The following GABBR2 variants were observed in gnomAD, a reference collection of about 807,000 sequenced individuals.
The protein encoded by GABBR2 is gamma-aminobutyric acid type B receptor subunit 2.
In GABBR2, 23 loss-of-function variants were observed where a neutral mutation model predicts 105.6. The ratio of observed to expected loss-of-function variants is 0.22; its 90% CI spans 0.16 to 0.31. GABBR2 has a LOEUF of 0.31. GABBR2 is among the 10% of genes least tolerant of loss of function. The pLI is 1.00. For missense variants in GABBR2, 734 were observed against 1,245.5 expected (o/e 0.59, Z 6.18); for synonymous variants, 478 against 499.7 (o/e 0.96, Z 0.58).
At chr9:98,652,632 C>A (rs914003513) in intron 1 of GABBR2, among the ~76,000 whole-genome samples, 10 of 152,354 alleles carry the variant, frequency 6.6e-5, no homozygotes, top group African/African-American at 2.2e-4. Flanking sequence ...GAGGCTAGAG[C>A]CCATTTCTGA....
At position 98,592,537 on chromosome 9, in the gene GABBR2, A is replaced by C. The variant is rs1396770505; in HGVS notation, c.322-14465T>G. On this transcript the variant is annotated intron_variant, in intron 1 of 18. Coordinates refer to ENST00000259455, the MANE Select transcript of GABBR2 (RefSeq NM_005458.8). ...GCTTAACTGACAAGTTCAAGATTACATGACTGGTAAGCCATGAAGCCTGCA... is the reference window on the plus strand; with the variant it reads ...GCTTAACTGACAAGTTCAAGATTACCTGACTGGTAAGCCATGAAGCCTGCA... Among the ~76,000 whole-genome samples, 6 of 152,328 alleles carry C rather than the reference A, an allele frequency of 3.9e-5. 1 individual carries two copies. The highest frequency in any genetic ancestry group is 7.4e-5 in the Non-Finnish European group (5 of 68,022).
At chr9:98,480,744 T>C (rs968821886) in intron 5 of GABBR2, among the ~76,000 whole-genome samples, 188 bp downstream of exon 5, 17 of 152,152 alleles carry the variant, frequency 1.1e-4, no homozygotes, top group African/African-American at 4.1e-4. Context: ...GATGATGGTA[T>C]TGTTCTGAGC....
intron 5 of GABBR2, among the ~76,000 whole-genome samples, chr9:98,480,070 C>T (rs1190820342): frequency 6.6e-6 from 1 of 152,192 alleles, no homozygotes; most frequent in East Asian, 1.9e-4. Context: ...ATCCACATTA[C>T]TGACAAAAAG....
intron 13 of GABBR2, among the ~76,000 whole-genome samples, chr9:98,333,929 G>T (rs1831071068): frequency 6.6e-6 from 1 of 152,218 alleles, no homozygotes; most frequent in Non-Finnish European, 1.5e-5. Context: ...GTAGACTGGG[G>T]ATAATAATGG....
chr9:98,327,898 C>G (rs532824165), intron 13 of GABBR2, among the ~76,000 whole-genome samples: 1 of 151,052 alleles, frequency 6.6e-6, no homozygotes, highest in Non-Finnish European at 1.5e-5. Flanking sequence ...AATAAAACTG[C>G]AGAACTTTCC....
rs151062215 is a variant in GABBR2 at position 98,357,680 on chromosome 9, A to G, written c.1893+5035T>C. 6.5e-3 allele frequency among the ~76,000 whole-genome samples: 389 copies of G among 60,000 alleles called. 2 individuals carry two copies. Among genetic ancestry groups the G allele is most frequent in the African/African-American group, 0.02 (369 of 18,846 alleles). 39.4% of individuals were successfully genotyped at this position (60,000 alleles called of 152,430 possible). A position where few individuals can be genotyped will look rare whatever the true frequency, so the allele number is the denominator to read the frequency against. ...ACAGACAAACAAACAAAAAACAACA[A>G]CAAAAAAAAAAACCCCACATCATAG... On this transcript the variant is annotated intron_variant, in intron 13 of 18. Coordinates refer to ENST00000259455, the MANE Select transcript of GABBR2 (RefSeq NM_005458.8).
At chr9:98,648,665 G>A (rs1254424363) in intron 1 of GABBR2, among the ~76,000 whole-genome samples, 1 of 152,146 alleles carries the variant, frequency 6.6e-6, no homozygotes, top group Admixed American at 6.5e-5. Context: ...ACCAAACCTA[G>A]CTTAGTTAGC....
At chr9:98,628,465 C>T (rs1829775461) in intron 1 of GABBR2, among the ~76,000 whole-genome samples, 2 of 152,110 alleles carry the variant, frequency 1.3e-5, no homozygotes, top group Non-Finnish European at 2.9e-5. Context: ...TTTGTCAGCT[C>T]CGGGGCACCA....
intron 7 of GABBR2, among the ~76,000 whole-genome samples, chr9:98,406,395 A>G (rs1170220819): frequency 6.6e-6 from 1 of 152,278 alleles, no homozygotes; most frequent in Non-Finnish European, 1.5e-5. Context: ...CAAGATAAGC[A>G]TCATCATGAT....
At position 98,356,624 on chromosome 9, in the gene GABBR2, TCC is replaced by T. The variant is rs1172092151; in HGVS notation, c.1893+6089_1893+6090del. ...TGGTAGTTTCTTACAAAACTAAACA[TCC>T]TCTTACCATATAATCATAACTTGCA... On this transcript the variant is annotated intron_variant, in intron 13 of 18. Coordinates refer to ENST00000259455, the MANE Select transcript of GABBR2 (RefSeq NM_005458.8). Among the ~76,000 whole-genome samples the T allele has an allele frequency of 3.3e-5, 5 of 152,216 alleles. No homozygotes were observed. The East Asian group carries it at 9.6e-4, about 29-fold the overall frequency.
chr9:98,528,042 A>G (rs1480421840), intron 3 of GABBR2, among the ~76,000 whole-genome samples: 1 of 152,166 alleles, frequency 6.6e-6, no homozygotes, highest in African/African-American at 2.4e-5. Flanking sequence ...CATTTTGGAT[A>G]TGTTGTATTA....
intron 1 of GABBR2, among the ~76,000 whole-genome samples, chr9:98,606,481 T>TC (rs1282193290): frequency 1.0e-5 from 1 of 98,548 alleles, no homozygotes; most frequent in Admixed American, 1.4e-4. Flanking sequence ...TCTTTTTTTT[T>TC]TCTTTTTTTT....
At position 98,377,296 on chromosome 9, in the gene GABBR2, A is replaced by G. The variant is rs571729962; in HGVS notation, c.1663-5725T>C. On this transcript the variant is annotated intron_variant, in intron 11 of 18. Coordinates refer to ENST00000259455, the MANE Select transcript of GABBR2 (RefSeq NM_005458.8). Reference sequence around the variant, plus strand: ...ACAGCTCTGTGGACAGAAGACGTGGACAAGTGGGCGTCAGGGCCAGAGAGG... The same window carrying G: ...ACAGCTCTGTGGACAGAAGACGTGGGCAAGTGGGCGTCAGGGCCAGAGAGG... Among the ~76,000 whole-genome samples the G allele has an allele frequency of 3.3e-5, 5 of 152,226 alleles. No individual in the cohort carries two copies. The South Asian group carries it at 1.0e-3, about 32-fold the overall frequency.
chr9:98,431,463 A>G (rs1825807567), intron 7 of GABBR2, among the ~76,000 whole-genome samples: 1 of 152,142 alleles, frequency 6.6e-6, no homozygotes, highest in Non-Finnish European at 1.5e-5. Context: ...TTCGTTGAAT[A>G]AATAAATGAT....
intron 1 of GABBR2, among the ~76,000 whole-genome samples, chr9:98,661,494 A>G (rs1830263067): frequency 6.6e-6 from 1 of 151,094 alleles, no homozygotes; most frequent in Non-Finnish European, 1.5e-5. Flanking sequence ...TCCACTTCCC[A>G]GTTTCAAGTG....
intron 6 of GABBR2, among the ~76,000 whole-genome samples, chr9:98,458,287 T>C (rs1826361223): frequency 6.6e-6 from 1 of 152,238 alleles, no homozygotes; most frequent in African/African-American, 2.4e-5. Context: ...TGGCAGACTT[T>C]CTCGCTGGCA....
At chr9:98,591,839 C>CA (rs1380443597) in intron 1 of GABBR2, among the ~76,000 whole-genome samples, 2 of 129,316 alleles carry the variant, frequency 1.5e-5, no homozygotes, top group African/African-American at 6.4e-5. Context: ...GCCACTGCCT[C>CA]ACTCTGTGAC....
chr9:98,375,170 A>G (rs661105), intron 11 of GABBR2: 19,618 of 151,958 alleles, frequency 0.13, 1,495 homozygotes, highest in South Asian at 0.24. Context: ...TATTTCTCAA[A>G]CCATCCTGCC....
intron 13 of GABBR2, among the ~76,000 whole-genome samples, chr9:98,332,999 T>A (rs143889513): frequency 1.7e-3 from 259 of 152,284 alleles, no homozygotes; most frequent in African/African-American, 5.7e-3. Context: ...CAGATTTGAT[T>A]CCTCTGAGAT....
Sources: allele counts gnomAD v4.1 joint callset (sites outside exome capture counted in the v4.1 genomes callset), GRCh38; gene constraint gnomAD v4.1.1; transcripts MANE v1.5; gene names NCBI Gene and HGNC (gene_info 2026-07-23, HGNC 2026-07-21).